SETD3: variants seen among roughly 807,000 people sequenced by gnomAD.
SETD3 encodes the protein actin-histidine N-methyltransferase.
A neutral mutation model predicts 63.0 loss-of-function variants in SETD3; 19 were observed. The ratio of observed to expected loss-of-function variants is 0.30; its 90% CI spans 0.21 to 0.44. SETD3 has a LOEUF of 0.44. Among genes scored for constraint, SETD3 ranks in the 20% least tolerant of loss-of-function variants. The probability of loss-of-function intolerance (pLI) is 1.00; values close to 1 mark genes in which losing one functional copy is unlikely to be tolerated. For missense variants in SETD3, 587 were observed against 728.5 expected (o/e 0.81, Z 2.24); for synonymous variants, 286 against 264.1 (o/e 1.08, Z -0.80).
chr14:99,419,337 G>T (rs1892451057), intron 6 of SETD3, among the ~76,000 whole-genome samples: 1 of 152,138 alleles, frequency 6.6e-6, no homozygotes, highest in Admixed American at 6.5e-5. Context: ...AATGAAATTA[G>T]TGGAGAAATA....
intron 6 of SETD3, among the ~76,000 whole-genome samples, chr14:99,416,346 T>C (rs911048183): frequency 6.6e-6 from 1 of 152,252 alleles, no homozygotes; most frequent in Non-Finnish European, 1.5e-5. Flanking sequence ...TGAAAATCTT[T>C]AAGCTCATAC....
At chr14:99,414,059 C>A in intron 6 of SETD3, 125 bp from the exon 7 acceptor site, 1 of 805,774 alleles carries the variant, frequency 1.2e-6, no homozygotes, top group South Asian at 1.6e-5. Flanking sequence ...AAGCAGGCGG[C>A]GTCCAGCCGC....
chr14:99,458,013 C>CA (rs919487600), intron 6 of SETD3, among the ~76,000 whole-genome samples: 1 of 151,924 alleles, frequency 6.6e-6, no homozygotes, highest in Non-Finnish European at 1.5e-5. Flanking sequence ...CTTTTGTTTA[C>CA]AAAAAAACTT....
chr14:99,480,314 C>T (rs951186143), intron 1 of SETD3, among the ~76,000 whole-genome samples: 1 of 152,018 alleles, frequency 6.6e-6, no homozygotes, highest in Non-Finnish European at 1.5e-5. Flanking sequence ...GCGAGGGGCC[C>T]GGGCCCCACC....
chr14:99,474,875 A>AT (rs11419445), intron 1 of SETD3, among the ~76,000 whole-genome samples: 77,237 of 149,650 alleles, frequency 0.52, 19,973 homozygotes, highest in Non-Finnish European at 0.57. Context: ...GCTTTTCGCA[A>AT]TTTTTTTTTT....
intron 11 of SETD3, among the ~76,000 whole-genome samples, chr14:99,400,670 C>T (rs1041852698): frequency 3.3e-5 from 5 of 152,086 alleles, no homozygotes; most frequent in African/African-American, 9.7e-5. Context: ...ACGATGTAAA[C>T]GGTGAAAGGA....
In SETD3 at chr14:99,480,497, G is replaced by A. The variant is rs368053115; in HGVS notation, c.-9+231C>T. Among the ~76,000 whole-genome samples the A allele has an allele frequency of 3.5e-4, 53 of 151,086 alleles. No individual in the cohort carries two copies. In the South Asian group the frequency reaches 0.011, roughly 30 times the overall value. On this transcript the variant is annotated intron_variant, in intron 1 of 12. Coordinates refer to ENST00000331768, the MANE Select transcript of SETD3 (RefSeq NM_032233.3). ...CCCGCAGGGCGCCCGGGCAGAGGCC[G>A]ACCGGCGCCCTCCGACCCCGCCGGG... is the stretch of plus-strand genomic sequence containing the variant.
At chr14:99,452,365 G>A (rs908375932) in intron 6 of SETD3, among the ~76,000 whole-genome samples, 4 of 152,078 alleles carry the variant, frequency 2.6e-5, no homozygotes, top group African/African-American at 4.8e-5. Flanking sequence ...TCGGCCTCCC[G>A]GAGTGTTGGG....
chr14:99,415,318 AG>A (rs1388323220), intron 6 of SETD3, among the ~76,000 whole-genome samples: 5 of 152,222 alleles, frequency 3.3e-5, no homozygotes, highest in African/African-American at 1.2e-4. Context: ...AAAAATTTGG[AG>A]CCCCCACTAA....
chr14:99,398,706 TGAA>T lies in SETD3; in HGVS notation c.1755_1757del (p.Ser586del). On this transcript the variant is annotated inframe_deletion, in exon 13 of 13. Coordinates refer to ENST00000331768, the MANE Select transcript of SETD3 (RefSeq NM_032233.3). ...ACTCCTTAACTCCAGCAGTGCTGTC[TGAA>T]GAAGATCCTTTGGCGTCTTCAACTG... 1.9e-6 allele frequency: 3 copies of T among 1,614,172 alleles called. No individual in the cohort carries two copies. Among genetic ancestry groups the T allele is most frequent in the Non-Finnish European group, 2.5e-6 (3 of 1,180,024 alleles).
intron 1 of SETD3, among the ~76,000 whole-genome samples, chr14:99,475,512 T>A (rs1288719670): frequency 6.6e-6 from 1 of 152,254 alleles, no homozygotes; most frequent in African/African-American, 2.4e-5. Context: ...GCCCCTCCAG[T>A]ACGATATTGC....
chr14:99,443,255 A>AATT (rs1566713829), intron 6 of SETD3, among the ~76,000 whole-genome samples: 2 of 108,800 alleles, frequency 1.8e-5, no homozygotes, highest in Admixed American at 9.6e-5. Context: ...CTGAACTCCC[A>AATT]TTTTTTTTTT....
chr14:99,477,905 T>C (rs1164078010), intron 1 of SETD3, among the ~76,000 whole-genome samples: 3 of 151,992 alleles, frequency 2.0e-5, no homozygotes, highest in African/African-American at 4.8e-5. Context: ...AATTTATGAA[T>C]AGAAAAATGA....
intron 1 of SETD3, among the ~76,000 whole-genome samples, chr14:99,468,348 G>A (rs1173028894): frequency 3.3e-5 from 5 of 151,892 alleles, no homozygotes; most frequent in Non-Finnish European, 5.9e-5. Flanking sequence ...ACATCTCCCT[G>A]CCCAAGCCTG....
intron 1 of SETD3, among the ~76,000 whole-genome samples, chr14:99,474,073 C>A (rs542860078): frequency 6.6e-6 from 1 of 152,310 alleles, no homozygotes; most frequent in East Asian, 1.9e-4. Flanking sequence ...GCAATCCCAG[C>A]ACTTTGGGAG....
At chr14:99,445,065 C>A (rs1231391982) in intron 6 of SETD3, among the ~76,000 whole-genome samples, 3 of 152,088 alleles carry the variant, frequency 2.0e-5, no homozygotes, top group African/African-American at 7.2e-5. Flanking sequence ...ATATCAATTC[C>A]AGGTAGAGGT....
intron 6 of SETD3, among the ~76,000 whole-genome samples, chr14:99,415,092 C>A (rs1892219968): frequency 6.6e-6 from 1 of 152,150 alleles, no homozygotes; most frequent in Admixed American, 6.5e-5. Context: ...CAAAAGGCTG[C>A]CAATTAAGTG....
intron 1 of SETD3, among the ~76,000 whole-genome samples, chr14:99,479,090 C>T (rs973239176): frequency 5.9e-5 from 9 of 152,082 alleles, no homozygotes; most frequent in African/African-American, 2.2e-4. Flanking sequence ...ACTCCAATTC[C>T]AGGAAAAAAA....
intron 6 of SETD3, among the ~76,000 whole-genome samples, chr14:99,414,682 G>A (rs1466476369): frequency 2.0e-5 from 3 of 152,112 alleles, no homozygotes; most frequent in South Asian, 2.1e-4. Context: ...TCTTCACCAC[G>A]TCCTCCACTT....
Sources: gnomAD v4.1 joint callset for allele counts (sites outside exome capture counted in the v4.1 genomes callset) on GRCh38, gnomAD v4.1.1 for gene constraint, MANE v1.5 for transcripts, NCBI Gene and HGNC (gene_info 2026-07-23, HGNC 2026-07-21) for gene names.